The following ACOXL variants were observed in gnomAD, a reference collection of about 807,000 sequenced individuals.
The protein encoded by ACOXL is acyl-CoA oxidase like, also known as acyl-coenzyme A oxidase-like protein.
ACOXL carries 70 observed loss-of-function variants against 71.9 expected under a neutral mutation model. The observed-to-expected ratio is 0.97, with a 90% CI of 0.80 to 1.19. The LOEUF is 1.19. Ranked by LOEUF, ACOXL falls within the 50% of genes most tolerant of loss-of-function variation. The pLI is 0.00. For missense variants in ACOXL, 703 were observed against 736.3 expected, an observed-to-expected ratio of 0.95 and a Z score of 0.52; for synonymous variants, 253 against 281.6, an observed-to-expected ratio of 0.90 and a Z score of 1.02.
intron 11 of ACOXL, among the ~76,000 whole-genome samples, chr2:110,925,203 G>A (rs1371216101): frequency 1.3e-5 from 2 of 152,168 alleles, no homozygotes; most frequent in African/African-American, 4.8e-5. Context: ...AATTCTTAAT[G>A]GCCTTAGGAT....
chr2:110,966,837 C>G (rs1452159500), intron 12 of ACOXL, among the ~76,000 whole-genome samples: 1 of 152,232 alleles, frequency 6.6e-6, no homozygotes, highest in East Asian at 1.9e-4. Context: ...TGCCCCCAAC[C>G]TGTCTCCAAC....
chr2:111,110,904 T>G (rs1454064348), intron 17 of ACOXL, among the ~76,000 whole-genome samples: 1 of 152,176 alleles, frequency 6.6e-6, no homozygotes, highest in African/African-American at 2.4e-5. Context: ...AGTTGAATAT[T>G]CCAGGACCCA....
Position 111,115,221 on chromosome 2 carries a change from C to T in ACOXL, c.1543-2395C>T, listed in dbSNP as rs559500967. On this transcript the variant is annotated intron_variant, in intron 17 of 17. Coordinates refer to ENST00000439055, the MANE Select transcript of ACOXL (RefSeq NM_001142807.4). The stretch of plus-strand genomic sequence containing the variant: ...ACTGGCAGGGCAGAGGACCCCTACA[C>T]TATGTGCAATTTTTATGCTTATAGT... Among the ~76,000 whole-genome samples, 10 of 152,252 alleles carry T rather than the reference C, an allele frequency of 6.6e-5. No homozygotes were observed. The South Asian group carries it at 2.1e-3, about 32-fold the overall frequency.
At chr2:111,071,307 C>T (rs1574668792) in intron 16 of ACOXL, among the ~76,000 whole-genome samples, 2 of 152,128 alleles carry the variant, frequency 1.3e-5, no homozygotes, top group African/African-American at 4.8e-5. Flanking sequence ...AAGACTTGCC[C>T]ACCTTGGGAG....
chr2:110,968,796 A>C, intron 12 of ACOXL: 4 of 422,262 alleles, frequency 9.5e-6, no homozygotes, highest in Admixed American at 4.1e-5. Context: ...AAAAAAAAGA[A>C]CTGAAAAACA....
chr2:111,047,099 G>C (rs557229925), intron 15 of ACOXL, among the ~76,000 whole-genome samples: 25 of 152,340 alleles, frequency 1.6e-4, no homozygotes, highest in African/African-American at 5.5e-4. Context: ...AAAGAATCAG[G>C]CTCAGTGGCC....
chr2:110,983,262 C>T (rs1426645843), intron 12 of ACOXL, among the ~76,000 whole-genome samples: 1 of 152,204 alleles, frequency 6.6e-6, no homozygotes, highest in African/African-American at 2.4e-5. Flanking sequence ...TGAGGAAATG[C>T]TGGTTGCTTC....
In ACOXL at chr2:110,842,434, C is replaced by T. The variant is rs560158535; in HGVS notation, c.788+1029C>T. On this transcript the variant is annotated intron_variant, in intron 10 of 17. Coordinates refer to ENST00000439055, the MANE Select transcript of ACOXL (RefSeq NM_001142807.4). ...CTAGGTGCATGGCTGAGTCTCCATA[C>T]AAAAGACAGATTAACTAGAGAAAGC... Among the ~76,000 whole-genome samples the T allele has an allele frequency of 2.1e-4, 32 of 152,220 alleles. 1 individual carries two copies. The highest frequency in any genetic ancestry group is 1.9e-3 in the Admixed American group (29 of 15,288).
chr2:111,112,258 A>C (rs2070033779), intron 17 of ACOXL, among the ~76,000 whole-genome samples: 2 of 152,232 alleles, frequency 1.3e-5, no homozygotes, highest in South Asian at 4.1e-4. Flanking sequence ...AAAACCAATG[A>C]GAATGTATGT....
At chr2:110,777,508 C>T (rs55928449) in intron 2 of ACOXL, among the ~76,000 whole-genome samples, 2,122 of 152,308 alleles carry the variant, frequency 0.014, 61 homozygotes, top group African/African-American at 0.049. Context: ...AGCCAGTTGG[C>T]CCAACTCCAC....
At chr2:111,024,764 T>A (rs13018462) in intron 14 of ACOXL, among the ~76,000 whole-genome samples, 1 of 151,986 alleles carries the variant, frequency 6.6e-6, no homozygotes, top group Non-Finnish European at 1.5e-5. Flanking sequence ...ACAGAGGAGC[T>A]TCCCGGTAGA....
intron 2 of ACOXL, among the ~76,000 whole-genome samples, chr2:110,784,231 G>A (rs974448798): frequency 1.3e-5 from 2 of 152,010 alleles, no homozygotes; most frequent in Non-Finnish European, 2.9e-5. Flanking sequence ...TGTACAGCCT[G>A]GGCAACATAG....
intron 11 of ACOXL, among the ~76,000 whole-genome samples, chr2:110,926,622 T>A (rs1347173925): frequency 2.6e-5 from 4 of 152,224 alleles, no homozygotes; most frequent in Non-Finnish European, 4.4e-5. Flanking sequence ...TATTTGAACA[T>A]GCTTAGATTA....
intron 11 of ACOXL, among the ~76,000 whole-genome samples, chr2:110,918,093 A>G (rs2059930757): frequency 1.3e-5 from 2 of 152,256 alleles, no homozygotes; most frequent in Non-Finnish European, 1.5e-5. Flanking sequence ...AAGAGTCCGC[A>G]TAGCCAAGAC....
intron 7 of ACOXL, 64 bp from the exon 8 acceptor site, chr2:110,801,588 C>A: frequency 7.0e-7 from 1 of 1,438,076 alleles, no homozygotes; most frequent in Non-Finnish European, 9.8e-7. Context: ...TGGCGACAGG[C>A]CTGGGAAGTA....
chr2:110,999,779 A>G (rs2063543070), intron 14 of ACOXL, among the ~76,000 whole-genome samples: 1 of 152,166 alleles, frequency 6.6e-6, no homozygotes, highest in Non-Finnish European at 1.5e-5. Flanking sequence ...GCCCACAACC[A>G]CATGAGTAAC....
intron 16 of ACOXL, among the ~76,000 whole-genome samples, chr2:111,050,100 G>A (rs2009581): frequency 0.27 from 40,394 of 151,962 alleles, 5,572 homozygotes; most frequent in East Asian, 0.44. Flanking sequence ...CTTCAGTGCT[G>A]TACCACCAGG....
intron 14 of ACOXL, among the ~76,000 whole-genome samples, chr2:111,018,501 G>A (rs932631711): frequency 2.6e-5 from 4 of 152,132 alleles, no homozygotes; most frequent in African/African-American, 7.2e-5. Flanking sequence ...ATTGGGTGGC[G>A]GATGGGCCCA....
chr2:110,987,268 G>A, intron 13 of ACOXL, 51 bp downstream of exon 13: 2 of 1,496,884 alleles, frequency 1.3e-6, no homozygotes, highest in Non-Finnish European at 1.8e-6. Flanking sequence ...TTATCATGAA[G>A]CCTGAGTTCA....
Sources: allele counts gnomAD v4.1 joint callset (sites outside exome capture counted in the v4.1 genomes callset), GRCh38; gene constraint gnomAD v4.1.1; transcripts MANE v1.5; gene names NCBI Gene and HGNC (gene_info 2026-07-23, HGNC 2026-07-21).